The following CADM2 variants were observed in gnomAD, a reference collection of about 807,000 sequenced individuals.
CADM2 encodes immunoglobulin superfamily member 4D.
In CADM2, 12 loss-of-function variants were observed where a neutral mutation model predicts 49.8. The ratio of observed to expected loss-of-function variants is 0.24; its 90% CI spans 0.15 to 0.39. CADM2 has a LOEUF of 0.39. CADM2 is among the 10% of genes least tolerant of loss of function. The pLI is 1.00. For missense variants in CADM2, 378 were observed against 492.3 expected (o/e 0.77, Z 2.20); for synonymous variants, 214 against 175.4 (o/e 1.22, Z -1.74).
At chr3:85,942,218 G>T (rs576643398) in intron 7 of CADM2, among the ~76,000 whole-genome samples, 3 of 151,744 alleles carry the variant, frequency 2.0e-5, no homozygotes, top group Non-Finnish European at 4.4e-5. Flanking sequence ...TCAAATAGTT[G>T]TTAAAAAAAA....
chr3:85,140,335 G>A (rs1277382110), intron 1 of CADM2, among the ~76,000 whole-genome samples: 3 of 152,190 alleles, frequency 2.0e-5, no homozygotes, highest in South Asian at 2.1e-4. Flanking sequence ...AGGAAGTTTC[G>A]AAGGGTGGGG....
chr3:85,030,742 A>G (rs981449568), intron 1 of CADM2, among the ~76,000 whole-genome samples: 5 of 152,122 alleles, frequency 3.3e-5, no homozygotes, highest in Admixed American at 6.6e-5. Context: ...CAGGTCTTCA[A>G]TCTTGGCGTA....
At chr3:85,430,088 A>AGT (rs1363571916) in intron 1 of CADM2, among the ~76,000 whole-genome samples, 2 of 152,108 alleles carry the variant, frequency 1.3e-5, no homozygotes, top group East Asian at 3.9e-4. Context: ...GCTAGGTAGG[A>AGT]GTGTGTGTGC....
chr3:85,900,044 G>A (rs966911350), intron 5 of CADM2, among the ~76,000 whole-genome samples: 1 of 152,064 alleles, frequency 6.6e-6, no homozygotes, highest in Non-Finnish European at 1.5e-5. Flanking sequence ...TCTTTTGCAT[G>A]GGTTCTCCTC....
chr3:85,488,282 C>T (rs750355726), intron 1 of CADM2, among the ~76,000 whole-genome samples: 28 of 152,070 alleles, frequency 1.8e-4, no homozygotes, highest in Non-Finnish European at 4.0e-4. Flanking sequence ...TTAAAGTGCT[C>T]CTTGTCCCAA....
At chr3:85,367,692 A>G (rs758462115) in intron 1 of CADM2, among the ~76,000 whole-genome samples, 34 of 152,138 alleles carry the variant, frequency 2.2e-4, no homozygotes, top group South Asian at 6.2e-4. Flanking sequence ...ATACAATGCT[A>G]CTATTGCCTA....
chr3:85,136,084 G>T (rs1232175817), intron 1 of CADM2, among the ~76,000 whole-genome samples: 1 of 152,006 alleles, frequency 6.6e-6, no homozygotes, highest in Non-Finnish European at 1.5e-5. Flanking sequence ...ACTTCTAGAA[G>T]TAGGCAGAAA....
At chr3:85,289,428 G>A (rs1281761876) in intron 1 of CADM2, among the ~76,000 whole-genome samples, 2 of 152,170 alleles carry the variant, frequency 1.3e-5, no homozygotes, top group Non-Finnish European at 2.9e-5. Context: ...TGATATTTGA[G>A]TCTAGAACTT....
chr3:85,809,658 CCCTTCCTT>C (rs538027252), intron 3 of CADM2, among the ~76,000 whole-genome samples: 10,744 of 68,860 alleles, frequency 0.16, 1,159 homozygotes, highest in Middle Eastern at 0.19. Context: ...AACATTTTCT[CCCTTCCTT>C]CCTTCCTTCC....
chr3:85,611,249 G>GTT (rs5850702), intron 1 of CADM2, among the ~76,000 whole-genome samples: 1 of 149,446 alleles, frequency 6.7e-6, no homozygotes, highest in African/African-American at 2.5e-5. Context: ...TACTGCAAAT[G>GTT]TTTTTTTTTT....
At chr3:85,484,816 G>A (rs1296375994) in intron 1 of CADM2, among the ~76,000 whole-genome samples, 1 of 151,860 alleles carries the variant, frequency 6.6e-6, no homozygotes, top group African/African-American at 2.4e-5. Context: ...TGACCTCACT[G>A]ATTCTTTATC....
rs150507510 is a variant in CADM2, at chr3:85,195,179, T to G, written c.61+235511T>G. ...GGCAACATGATGTATTGAGAAAGCA[T>G]TACTTTTATAGTAAGACTTGGAATT... On this transcript the variant is annotated intron_variant, in intron 1 of 9. Transcript: ENST00000383699. 6.9e-4 allele frequency among the ~76,000 whole-genome samples: 105 copies of G among 152,280 alleles called. No individual in the cohort carries two copies. The East Asian group carries it at 0.019, about 27-fold the overall frequency.
intron 3 of CADM2, among the ~76,000 whole-genome samples, chr3:85,823,404 A>G (rs576643507): frequency 2.6e-5 from 4 of 152,128 alleles, no homozygotes; most frequent in Non-Finnish European, 5.9e-5. Flanking sequence ...ACATCAAAAT[A>G]TTTCCCTGCC....
chr3:85,197,170 A>G lies in CADM2; in HGVS notation c.61+237502A>G, dbSNP rs559926056. 2.0e-5 allele frequency among the ~76,000 whole-genome samples: 3 copies of G among 151,976 alleles called. No homozygotes were observed. In the East Asian group the frequency reaches 5.8e-4, roughly 29 times the overall value. On this transcript the variant is annotated intron_variant, in intron 1 of 9. Coordinates refer to ENST00000383699, the MANE Select transcript of CADM2 (RefSeq NM_001167675.2). Reference sequence around the variant, plus strand: ...ATTGTGCCTATTTTATAAATTGAGGATAAATTTATTGAGTTATTGAACAAA... The same window carrying G: ...ATTGTGCCTATTTTATAAATTGAGGGTAAATTTATTGAGTTATTGAACAAA...
intron 8 of CADM2, among the ~76,000 whole-genome samples, chr3:86,044,526 A>G (rs1399394883): frequency 6.6e-6 from 1 of 152,206 alleles, no homozygotes; most frequent in Non-Finnish European, 1.5e-5. Flanking sequence ...ATCTCACACC[A>G]GTTAGAATGG....
intron 1 of CADM2, among the ~76,000 whole-genome samples, chr3:85,160,150 T>G (rs1259293762): frequency 6.6e-6 from 1 of 152,208 alleles, no homozygotes; most frequent in Non-Finnish European, 1.5e-5. Context: ...TCACCTATAC[T>G]TTTAATTTCT....
chr3:85,647,915 CT>C (rs1374263171), intron 1 of CADM2, among the ~76,000 whole-genome samples: 17 of 151,814 alleles, frequency 1.1e-4, no homozygotes, highest in Admixed American at 1.3e-4. Flanking sequence ...TAGATCCTTT[CT>C]GGGTTTGATT....
At chr3:85,962,839 A>G (rs571381256) in intron 8 of CADM2, among the ~76,000 whole-genome samples, 1 of 152,092 alleles carries the variant, frequency 6.6e-6, no homozygotes, top group African/African-American at 2.4e-5. Context: ...TGAGTGTTAT[A>G]CATAACACAG....
At position 85,348,096 on chromosome 3, in the gene CADM2, A is replaced by C. The variant is rs577370427; in HGVS notation, c.62-378426A>C. Among the ~76,000 whole-genome samples, 305 of 152,096 alleles carry C rather than the reference A, an allele frequency of 2.0e-3. 1 individual carries two copies. The highest frequency in any genetic ancestry group is 7.1e-3 in the African/African-American group (296 of 41,488). ...TTGTCATCTTTCAGTATCTCCCAAG[A>C]CTTTTATTTTATCCTACATCCTACT... is the stretch of plus-strand genomic sequence containing the variant. On this transcript the variant is annotated intron_variant, in intron 1 of 9. Transcript: ENST00000383699.
Sources: gnomAD v4.1 joint callset for allele counts (sites outside exome capture counted in the v4.1 genomes callset) on GRCh38, gnomAD v4.1.1 for gene constraint, MANE v1.5 for transcripts, NCBI Gene and HGNC (gene_info 2026-07-23, HGNC 2026-07-21) for gene names.